Variants in CUX1 observed in about 807,000 individuals in gnomAD.
The protein encoded by CUX1 is protein CASP.
In CUX1, 31 loss-of-function variants were observed where a neutral mutation model predicts 158.8. The observed-to-expected ratio is 0.20, with a 90% CI of 0.15 to 0.26. The LOEUF (loss-of-function observed/expected upper bound fraction) is 0.26. Among genes scored for constraint, CUX1 ranks in the 10% least tolerant of loss-of-function variants. The pLI is 1.00. For synonymous variants in CUX1, 879 were observed against 862.1 expected, an observed-to-expected ratio of 1.02 and a Z score of -0.34; for missense variants, 1,589 against 2,014.6, an observed-to-expected ratio of 0.79 and a Z score of 4.04.
chr7:102,024,144 G>A (rs1819716961), intron 2 of CUX1, among the ~76,000 whole-genome samples: 1 of 152,242 alleles, frequency 6.6e-6, no homozygotes, highest in African/African-American at 2.4e-5. Flanking sequence ...GCCTGCTAAG[G>A]CACACTGCCA....
At chr7:102,132,308 T>TGTGTGC (rs1554497503) in intron 8 of CUX1, among the ~76,000 whole-genome samples, 3 of 57,058 alleles carry the variant, frequency 5.3e-5, no homozygotes, top group Admixed American at 1.6e-4. Flanking sequence ...TGTGTGTGTG[T>TGTGTGC]GCGCGCGCGC....
intron 1 of CUX1, among the ~76,000 whole-genome samples, chr7:101,902,679 G>A (rs1443011287): frequency 6.6e-6 from 1 of 152,208 alleles, no homozygotes; most frequent in African/African-American, 2.4e-5. Context: ...GGACCTGTCT[G>A]TTGTCTTTGA....
intron 8 of CUX1, among the ~76,000 whole-genome samples, chr7:102,117,797 C>T (rs530361496): frequency 6.6e-6 from 1 of 152,336 alleles, no homozygotes; most frequent in Admixed American, 6.5e-5. Context: ...CCTGGCGAAG[C>T]CTGTCTTGGG....
intron 1 of CUX1, among the ~76,000 whole-genome samples, chr7:101,859,389 T>C (rs1797201863): frequency 6.6e-6 from 1 of 152,238 alleles, no homozygotes; most frequent in Non-Finnish European, 1.5e-5. Context: ...TTTAAAAATA[T>C]CTTTTCTCAA....
chr7:101,881,514 A>G (rs1799703448), intron 1 of CUX1, among the ~76,000 whole-genome samples: 1 of 152,226 alleles, frequency 6.6e-6, no homozygotes, highest in South Asian at 2.1e-4. Flanking sequence ...TGCAGACAAA[A>G]TGTAAATATG....
At chr7:102,108,994 C>T (rs1439283236) in intron 6 of CUX1, among the ~76,000 whole-genome samples, 3 of 152,004 alleles carry the variant, frequency 2.0e-5, no homozygotes, top group Admixed American at 1.3e-4. Flanking sequence ...CCACAAGTGA[C>T]CTGCCCACCT....
rs2132626701 is a variant in CUX1 at position 102,248,926 on chromosome 7, G to A, written c.4402G>A (p.Ala1468Thr). 1 of 1,468,032 alleles carries A rather than the reference G, an allele frequency of 6.8e-7. No individual in the cohort carries two copies. The highest frequency in any genetic ancestry group is 1.3e-5 in the South Asian group (1 of 79,104). The allele number at this position is 1,468,032 out of a possible 1,614,324, so 90.9% of individuals were successfully genotyped here. ...SLFGLPEAAG[A>T]RDSRDNPLRK... is the part of the protein sequence containing the mutation. ...TTTCGGCCTCCCCGAGGCCGCGGGCGCCCGGGACTCGCGCGACAACCCCCT... is the reference window on the plus strand; with the variant it reads ...TTTCGGCCTCCCCGAGGCCGCGGGCACCCGGGACTCGCGCGACAACCCCCT... The change falls in exon 24 of 24, where the codon GCC (alanine) becomes ACC (threonine). Residue 1468 changes from alanine to threonine, a missense_variant. Ala to Thr is a moderately conservative substitution (Grantham distance 58). This residue lies in a region of CUX1 where 344 missense variants were observed against 323.7 expected (regional missense o/e 1.06). Coordinates refer to ENST00000292535, the MANE Select transcript of CUX1 (RefSeq NM_181552.4). The surrounding 1 kb of genome is among the most constrained non-coding windows in gnomAD (Gnocchi z 5.8).
intron 12 of CUX1, among the ~76,000 whole-genome samples, chr7:102,190,757 C>T (rs760610365): frequency 7.9e-5 from 12 of 152,128 alleles, no homozygotes; most frequent in Non-Finnish European, 1.5e-4. Context: ...TTACCCCAAC[C>T]ACTATCCACA....
chr7:101,952,040 C>T (rs1809125617), intron 2 of CUX1, among the ~76,000 whole-genome samples: 1 of 152,202 alleles, frequency 6.6e-6, no homozygotes, highest in African/African-American at 2.4e-5. Context: ...AGAGCAGTGG[C>T]TGTCAAGGTG....
At chr7:102,082,325 G>A (rs1024174487) in intron 4 of CUX1, among the ~76,000 whole-genome samples, 2 of 146,506 alleles carry the variant, frequency 1.4e-5, no homozygotes, top group Non-Finnish European at 3.1e-5. Flanking sequence ...TCAGGAGTTC[G>A]AGACCAGCCT....
chr7:102,253,367 T>C lies in CUX1; in HGVS notation c.*4325T>C. 3 of 985,458 alleles carry C rather than the reference T, an allele frequency of 3.0e-6. No individual in the cohort carries two copies. The highest frequency in any genetic ancestry group is 3.6e-6 in the Non-Finnish European group (3 of 829,952). 61.0% of individuals were successfully genotyped at this position (985,458 alleles called of 1,614,324 possible). A position where few individuals can be genotyped will look rare whatever the true frequency, so the allele number is the denominator to read the frequency against. The stretch of plus-strand genomic sequence containing the variant: ...CAAAGAGATCGCTGTGGGCCTCGGC[T>C]GACTACTTTAAGATTATGCCACAGC... On this transcript the variant is annotated 3_prime_UTR_variant, in exon 24 of 24. Coordinates refer to ENST00000292535, the MANE Select transcript of CUX1 (RefSeq NM_181552.4).
chr7:102,115,064 C>G, intron 7 of CUX1, 143 bp from the exon 8 acceptor site: 1 of 699,870 alleles, frequency 1.4e-6, no homozygotes, highest in South Asian at 1.8e-5. Flanking sequence ...ATCTTGGCCT[C>G]TTTTGTGTGT....
intron 2 of CUX1, among the ~76,000 whole-genome samples, chr7:101,945,634 G>T (rs1402369625): frequency 1.3e-5 from 2 of 152,206 alleles, no homozygotes; most frequent in African/African-American, 4.8e-5. Context: ...GCAGGTCCTG[G>T]TCAGGGCTGT....
At chr7:101,966,405 A>G (rs1811217130) in intron 2 of CUX1, among the ~76,000 whole-genome samples, 1 of 151,988 alleles carries the variant, frequency 6.6e-6, no homozygotes, top group African/African-American at 2.4e-5. Flanking sequence ...CAATTAATAC[A>G]GTAAATGAAA....
At chr7:102,152,396 T>TAA (rs1410023690) in intron 8 of CUX1, among the ~76,000 whole-genome samples, 1 of 152,024 alleles carries the variant, frequency 6.6e-6, no homozygotes, top group East Asian at 1.9e-4. Context: ...GTAACAAACA[T>TAA]ACAGATTTTT....
intron 8 of CUX1, among the ~76,000 whole-genome samples, chr7:102,123,347 T>C (rs906157126): frequency 5.3e-5 from 8 of 152,220 alleles, no homozygotes; most frequent in Non-Finnish European, 1.2e-4. Flanking sequence ...CAGTGGCTCA[T>C]GCCTGTAATC....
At chr7:102,170,605 A>G (rs1054233681) in intron 10 of CUX1, 55 bp downstream of exon 10, 42 of 1,215,200 alleles carry the variant, frequency 3.5e-5, no homozygotes, top group Non-Finnish European at 7.0e-6. Flanking sequence ...CGCACCTTCG[A>G]GTTACAGCCG....
chr7:101,851,083 TGGGTGACAGAGCGA>T (rs1406722852), intron 1 of CUX1, among the ~76,000 whole-genome samples: 1 of 152,212 alleles, frequency 6.6e-6, no homozygotes, highest in African/African-American at 2.4e-5. Flanking sequence ...TACTCCAGCC[TGGGTGACAGAGCGA>T]GAGTCTGTCT....
intron 3 of CUX1, among the ~76,000 whole-genome samples, chr7:102,054,526 A>C (rs1406782774): frequency 2.6e-5 from 4 of 152,182 alleles, no homozygotes; most frequent in Non-Finnish European, 5.9e-5. Flanking sequence ...TGCCCCTACC[A>C]GTTCAGGTCA....
Sources: gnomAD v4.1 joint callset for allele counts (sites outside exome capture counted in the v4.1 genomes callset) on GRCh38, gnomAD v4.1.1 for gene constraint, gnomAD v4.1.1 regional missense constraint, Gnocchi (gnomAD v3.1) non-coding constraint, MANE v1.5 for transcripts, NCBI Gene and HGNC (gene_info 2026-07-23, HGNC 2026-07-21) for gene names.